Variants in EFR3A observed in about 807,000 individuals in gnomAD.
The protein encoded by EFR3A is protein EFR3 homolog A.
A neutral mutation model predicts 104.4 loss-of-function variants in EFR3A; 76 were observed. That is an observed-to-expected ratio of 0.73 (90% CI 0.60 to 0.88). EFR3A has a LOEUF of 0.88. EFR3A is among the 40% of genes least tolerant of loss of function. The pLI, the probability that EFR3A is intolerant of heterozygous loss-of-function variation, is 0.00. For synonymous variants in EFR3A, 330 were observed against 330.0 expected (o/e 1.00, Z 0.00); for missense variants, 985 against 1,012.5 (o/e 0.97, Z 0.37).
At chr8:131,958,323 A>C (rs569717969) in intron 7 of EFR3A, among the ~76,000 whole-genome samples, 1 of 152,136 alleles carries the variant, frequency 6.6e-6, no homozygotes, top group Non-Finnish European at 1.5e-5. Context: ...TTATAAGGCA[A>C]ACTACCCAAT....
At chr8:131,979,081 TTAAG>T (rs540986449) in intron 13 of EFR3A, 62 bp downstream of exon 13, 16,152 of 1,449,868 alleles carry the variant, frequency 0.011, 129 homozygotes, top group Non-Finnish European at 0.013. Context: ...ATTAGTGTAT[TTAAG>T]TATTGTGATT....
rs866332962 is a variant in EFR3A, at chr8:131,965,955, G to A, written c.856-2340G>A. Reference sequence around the variant, plus strand: ...AAACCATCATTCTCAGCAAACTATCGCAAGGACAAAAAACCAAACACCGCA... The same window carrying A: ...AAACCATCATTCTCAGCAAACTATCACAAGGACAAAAAACCAAACACCGCA... On this transcript the variant is annotated intron_variant, in intron 8 of 22. Coordinates refer to ENST00000254624, the MANE Select transcript of EFR3A (RefSeq NM_015137.6). Among the ~76,000 whole-genome samples the A allele has an allele frequency of 5.3e-4, 81 of 152,032 alleles. No individual in the cohort carries two copies. In the Middle Eastern group the frequency reaches 0.01, roughly 19 times the overall value.
chr8:131,982,910 G>A (rs754990847), intron 14 of EFR3A, among the ~76,000 whole-genome samples: 2 of 152,126 alleles, frequency 1.3e-5, no homozygotes, highest in Non-Finnish European at 2.9e-5. Flanking sequence ...CAGAAATAAA[G>A]GAATCTGGTG....
At chr8:131,975,410 C>CTTTTTTTTTTTTTTTTTTTTTTTT (rs760100564) in intron 10 of EFR3A, among the ~76,000 whole-genome samples, 1 of 102,184 alleles carries the variant, frequency 9.8e-6, no homozygotes. Context: ...TTTTTTTTTC[C>CTTTTTTTTTTTTTTTTTTTTTTTT]TATTTTTTTT....
At chr8:131,946,690 T>A (rs1818458725) in intron 4 of EFR3A, 57 bp downstream of exon 4, 1 of 1,414,188 alleles carries the variant, frequency 7.1e-7, no homozygotes, top group Admixed American at 2.9e-5. Context: ...CTAGAATTAA[T>A]TACTTCTTAG....
At chr8:131,915,928 C>G (rs1816722954) in intron 1 of EFR3A, among the ~76,000 whole-genome samples, 2 of 152,192 alleles carry the variant, frequency 1.3e-5, no homozygotes, top group Admixed American at 6.5e-5. Context: ...GGATACGGTG[C>G]TATCCTCATA....
chr8:132,005,399 T>G lies in EFR3A; in HGVS notation c.2360+2114T>G, dbSNP rs79116161. On this transcript the variant is annotated intron_variant, in intron 22 of 22. Transcript: ENST00000254624. ...ACTTCGCTCCCACTGTTCTTTCATTTACATTTTAACCATACCTGAGTATGG... is the reference window on the plus strand; with the variant it reads ...ACTTCGCTCCCACTGTTCTTTCATTGACATTTTAACCATACCTGAGTATGG... 5.7e-3 allele frequency among the ~76,000 whole-genome samples: 870 copies of G among 151,978 alleles called. 10 individuals are homozygous for G. The highest frequency in any genetic ancestry group is 0.019 in the African/African-American group (808 of 41,446).
In EFR3A at chr8:131,987,781, G is replaced by T. The variant is rs528710816; in HGVS notation, c.2065+79G>T. 545 of 1,443,002 alleles carry T rather than the reference G, an allele frequency of 3.8e-4. 4 individuals are homozygous for T. The South Asian group carries it at 6.3e-3, about 17-fold the overall frequency. The allele number at this position is 1,443,002 out of a possible 1,614,324, so 89.4% of individuals were successfully genotyped here. ...AATTTTTCATTACCCAGTTAACAAT[G>T]AAAATTAATTCTGGTGTGTGTCCTT... is the stretch of plus-strand genomic sequence containing the variant. On this transcript the variant is annotated intron_variant, in intron 18 of 22. Transcript: ENST00000254624.
In EFR3A at chr8:131,981,943, A is replaced by G. The variant is rs551124390; in HGVS notation, c.1576-2196A>G. Among the ~76,000 whole-genome samples the G allele has an allele frequency of 3.3e-5, 5 of 152,246 alleles. No individual in the cohort carries two copies. The South Asian group carries it at 1.0e-3, about 32-fold the overall frequency. On this transcript the variant is annotated intron_variant, in intron 14 of 22. Coordinates refer to ENST00000254624, the MANE Select transcript of EFR3A (RefSeq NM_015137.6). ...ACAACTCACTATATAGTTTCTCACC[A>G]TGTGAAAAAGCTCTTGTTAATGTTT...
chr8:131,910,804 G>A (rs186965256), intron 1 of EFR3A, among the ~76,000 whole-genome samples: 1 of 152,320 alleles, frequency 6.6e-6, no homozygotes. Flanking sequence ...TGTTTCTGTT[G>A]TGGTGGGATG....
chr8:131,993,908 A>C (rs1821340549), intron 18 of EFR3A, among the ~76,000 whole-genome samples: 1 of 152,120 alleles, frequency 6.6e-6, no homozygotes, highest in Non-Finnish European at 1.5e-5. Context: ...ATAGAGGGGA[A>C]CAATGCACAC....
At chr8:131,951,271 T>G (rs1480764670) in intron 5 of EFR3A, among the ~76,000 whole-genome samples, 1 of 152,116 alleles carries the variant, frequency 6.6e-6, no homozygotes, top group Non-Finnish European at 1.5e-5. Context: ...GCTGGTATGA[T>G]TTTTGCTCAG....
chr8:131,944,239 C>G (rs1818311871), intron 2 of EFR3A, among the ~76,000 whole-genome samples: 1 of 151,954 alleles, frequency 6.6e-6, no homozygotes, highest in South Asian at 2.1e-4. Flanking sequence ...CCTGTTGTTG[C>G]TTTTTAAATA....
chr8:131,942,656 A>G (rs574963946), intron 2 of EFR3A, among the ~76,000 whole-genome samples: 1 of 152,266 alleles, frequency 6.6e-6, no homozygotes, highest in Admixed American at 6.6e-5. Context: ...GAATGAAAAG[A>G]TAATCTGATA....
At chr8:131,944,031 A>G (rs1010325963) in intron 2 of EFR3A, among the ~76,000 whole-genome samples, 3 of 152,008 alleles carry the variant, frequency 2.0e-5, no homozygotes, top group African/African-American at 4.8e-5. Context: ...CATCTATACA[A>G]TTTTTGTTGC....
At chr8:131,989,241 T>C (rs1047691152) in intron 18 of EFR3A, among the ~76,000 whole-genome samples, 2 of 152,178 alleles carry the variant, frequency 1.3e-5, no homozygotes, top group African/African-American at 4.8e-5. Context: ...ACTGAATCTG[T>C]AATTAAATTT....
At chr8:131,993,409 A>G (rs1383759536) in intron 18 of EFR3A, among the ~76,000 whole-genome samples, 7 of 152,146 alleles carry the variant, frequency 4.6e-5, no homozygotes, top group African/African-American at 1.7e-4. Flanking sequence ...AGAAATTGCA[A>G]TCCTGTCACA....
chr8:131,912,049 A>G (rs1816537748), intron 1 of EFR3A, among the ~76,000 whole-genome samples: 1 of 152,208 alleles, frequency 6.6e-6, no homozygotes, highest in Non-Finnish European at 1.5e-5. Context: ...TCTGGTTTCT[A>G]TAGCTAGCCT....
intron 20 of EFR3A, 68 bp from the exon 21 acceptor site, chr8:132,002,535 A>G: frequency 7.7e-7 from 1 of 1,305,346 alleles, no homozygotes; most frequent in Non-Finnish European, 1.1e-6. Context: ...TTAACTCTTA[A>G]CGGTCATTGA....
Sources: allele counts gnomAD v4.1 joint callset (sites outside exome capture counted in the v4.1 genomes callset), GRCh38; gene constraint gnomAD v4.1.1; transcripts MANE v1.5; gene names NCBI Gene and HGNC (gene_info 2026-07-23, HGNC 2026-07-21).